TRPM6: variants seen among roughly 807,000 people sequenced by gnomAD.
TRPM6 encodes the protein transient receptor potential cation channel subfamily M member 6.
TRPM6 carries 111 observed loss-of-function variants against 247.6 expected under a neutral mutation model. The observed-to-expected ratio is 0.45, with a 90% CI of 0.38 to 0.52. TRPM6 has a LOEUF of 0.52. TRPM6 is among the 20% of genes least tolerant of loss of function. The pLI is 0.00. For missense variants in TRPM6, 2,126 were observed against 2,421.5 expected (o/e 0.88, Z 2.56); for synonymous variants, 892 against 853.8 (o/e 1.04, Z -0.78).
intron 3 of TRPM6, among the ~76,000 whole-genome samples, chr9:74,849,434 A>G (rs983334302): frequency 3.3e-5 from 5 of 152,228 alleles, no homozygotes; most frequent in Middle Eastern, 3.4e-3. Context: ...TCCTTAGAAG[A>G]AGGAGAGATC....
chr9:74,741,354 C>T (rs1169757441), intron 33 of TRPM6, among the ~76,000 whole-genome samples: 1 of 151,644 alleles, frequency 6.6e-6, no homozygotes, highest in Non-Finnish European at 1.5e-5. Context: ...TATATATGAA[C>T]ACGGTACTGG....
chr9:74,733,185 G>T (rs116107323), intron 36 of TRPM6, among the ~76,000 whole-genome samples: 5,787 of 150,804 alleles, frequency 0.038, 363 homozygotes, highest in African/African-American at 0.13. Flanking sequence ...CTGGGCAACA[G>T]AGCTTAACTC....
chr9:74,731,521 T>C (rs1282647213), intron 37 of TRPM6, among the ~76,000 whole-genome samples: 1 of 151,848 alleles, frequency 6.6e-6, no homozygotes, highest in Non-Finnish European at 1.5e-5. Flanking sequence ...GTTCACCTAG[T>C]CCAATTAAAT....
chr9:74,749,959 A>G (rs1331534990), intron 30 of TRPM6, among the ~76,000 whole-genome samples: 1 of 152,184 alleles, frequency 6.6e-6, no homozygotes, highest in Non-Finnish European at 1.5e-5. Flanking sequence ...TTTGAATTCT[A>G]CCTGTATGAA....
At chr9:74,751,619 C>T (rs543675758) in intron 29 of TRPM6, among the ~76,000 whole-genome samples, 212 of 152,322 alleles carry the variant, frequency 1.4e-3, no homozygotes, top group African/African-American at 4.9e-3. Context: ...ACACTTCCCA[C>T]GTGGCGGATG....
At chr9:74,786,179 T>C (rs1301583678) in intron 20 of TRPM6, 54 bp from the exon 21 acceptor site, 1 of 1,590,844 alleles carries the variant, frequency 6.3e-7, no homozygotes, top group Non-Finnish European at 8.6e-7. Context: ...AAGAATCCCA[T>C]CAATATGATC....
At chr9:74,851,873 C>T (rs1212980578) in intron 3 of TRPM6, among the ~76,000 whole-genome samples, 1 of 151,148 alleles carries the variant, frequency 6.6e-6, no homozygotes, top group African/African-American at 2.4e-5. Flanking sequence ...TGCGGTGGCT[C>T]CCAGCACTTT....
rs1189366808 is a variant in TRPM6 at position 74,742,603 on chromosome 9, T to C, written c.5158A>G (p.Arg1720Gly). 6.2e-7 allele frequency: 1 copy of C among 1,613,796 alleles called. No homozygotes were observed. Among genetic ancestry groups the C allele is most frequent in the East Asian group, 2.2e-5 (1 of 44,848 alleles). The change falls in exon 33 of 39, where the codon AGG (arginine) becomes GGG (glycine). Residue 1720 changes from arginine (R) to glycine (G), a missense_variant. Physicochemically the swap from Arg to Gly is moderately radical, Grantham distance 125 (BLOSUM62 -2). Coordinates refer to ENST00000360774, the MANE Select transcript of TRPM6 (RefSeq NM_017662.5). Reference protein sequence around the residue: ...YSAIERNNLMRLSQTIPFTPV... With the variant: ...YSAIERNNLMGLSQTIPFTPV... ...GTAAATGGTATGGTCTGAGAAAGCC[T>C]CATTAAATTATTCCTTTCAATGGCT...
At chr9:74,881,247 A>G (rs1471657288) in intron 1 of TRPM6, among the ~76,000 whole-genome samples, 1 of 152,204 alleles carries the variant, frequency 6.6e-6, no homozygotes, top group African/African-American at 2.4e-5. Flanking sequence ...AAGATATTCC[A>G]CGCAAACAGA....
chr9:74,753,339 T>C (rs1216920649), intron 28 of TRPM6, among the ~76,000 whole-genome samples: 1 of 151,988 alleles, frequency 6.6e-6, no homozygotes, highest in Non-Finnish European at 1.5e-5. Flanking sequence ...GAGATAACGG[T>C]TGCATTTTTC....
chr9:74,878,929 T>C (rs1023662483), intron 1 of TRPM6, among the ~76,000 whole-genome samples: 1 of 152,134 alleles, frequency 6.6e-6, no homozygotes, highest in Non-Finnish European at 1.5e-5. Context: ...GAGTTCAATC[T>C]GCCATTGAGC....
intron 5 of TRPM6, among the ~76,000 whole-genome samples, chr9:74,838,224 A>T (rs59504297): frequency 0.067 from 10,225 of 152,282 alleles, 590 homozygotes; most frequent in African/African-American, 0.16. Flanking sequence ...GCAGTTAGTT[A>T]TTCAAAGAAA....
intron 37 of TRPM6, among the ~76,000 whole-genome samples, chr9:74,731,704 T>C (rs1226987125): frequency 6.8e-6 from 1 of 147,328 alleles, no homozygotes; most frequent in Non-Finnish European, 1.5e-5. Context: ...ACATATAATA[T>C]ATATAATATA....
intron 27 of TRPM6, among the ~76,000 whole-genome samples, chr9:74,756,224 T>G (rs1280816927): frequency 6.6e-6 from 1 of 152,232 alleles, no homozygotes; most frequent in African/African-American, 2.4e-5. Flanking sequence ...AGAACAGCCT[T>G]TCTTATCTCT....
chr9:74,761,718 T>C lies in TRPM6; in HGVS notation c.4763A>G (p.Asn1588Ser). ...TACTGGCACCTGGAGTCCTTGAGTA[T>C]TCTTCTTTTTCTTTGACAGTCTCCT... ...KDRRLSKKKK[N>S]TQGLQVPIIT... The change falls in exon 27 of 39, where the codon AAT becomes AGT. Residue 1588 changes from asparagine (N) to serine (S), a missense_variant. This residue lies in a region of TRPM6 where 717 missense variants were observed against 715.9 expected (regional missense o/e 1.00). Coordinates refer to ENST00000360774, the MANE Select transcript of TRPM6 (RefSeq NM_017662.5). The C allele has an allele frequency of 6.2e-7, 1 of 1,612,426 alleles. No homozygotes were observed. Among genetic ancestry groups the C allele is most frequent in the Non-Finnish European group, 8.5e-7 (1 of 1,178,472 alleles).
chr9:74,758,511 AT>A (rs574835974), intron 27 of TRPM6, among the ~76,000 whole-genome samples: 1 of 152,212 alleles, frequency 6.6e-6, no homozygotes, highest in Non-Finnish European at 1.5e-5. Flanking sequence ...TCACTGTAAA[AT>A]AACAAAATCA....
chr9:74,761,442 G>GT (rs1315504245), intron 27 of TRPM6, among the ~76,000 whole-genome samples: 1 of 152,188 alleles, frequency 6.6e-6, no homozygotes, highest in Non-Finnish European at 1.5e-5. Flanking sequence ...GGGTGTGGTT[G>GT]TGTATGCCTG....
intron 9 of TRPM6, among the ~76,000 whole-genome samples, chr9:74,818,415 GC>G (rs1295410163): frequency 7.1e-6 from 1 of 140,970 alleles, no homozygotes; most frequent in African/African-American, 2.7e-5. Context: ...CGATTCTCCT[GC>G]CTAAGCCTCC....
chr9:74,853,026 C>A (rs1211256530), intron 3 of TRPM6, among the ~76,000 whole-genome samples: 4 of 151,916 alleles, frequency 2.6e-5, no homozygotes, highest in South Asian at 2.1e-4. Flanking sequence ...GCCCGGCCCC[C>A]CGTCGTCTGA....
Sources: gnomAD v4.1 joint callset for allele counts (sites outside exome capture counted in the v4.1 genomes callset) on GRCh38, gnomAD v4.1.1 for gene constraint, gnomAD v4.1.1 regional missense constraint, MANE v1.5 for transcripts, NCBI Gene and HGNC (gene_info 2026-07-23, HGNC 2026-07-21) for gene names.